Variants in KCNH7 observed in about 807,000 individuals in gnomAD.
The protein encoded by KCNH7 is voltage-gated inwardly rectifying potassium channel KCNH7.
A neutral mutation model predicts 120.8 loss-of-function variants in KCNH7; 49 were observed. That is an observed-to-expected ratio of 0.41 (90% confidence interval 0.32 to 0.51). The LOEUF is 0.51. KCNH7 is among the 20% of genes least tolerant of loss of function. KCNH7 has a pLI of 0.38. For synonymous variants in KCNH7, 547 were observed against 516.1 expected (o/e 1.06, Z -0.81); for missense variants, 1,097 against 1,446.6 (o/e 0.76, Z 3.92).
chr2:162,491,808 T>G (rs974497088), intron 6 of KCNH7, among the ~76,000 whole-genome samples: 1 of 152,178 alleles, frequency 6.6e-6, no homozygotes, highest in Non-Finnish European at 1.5e-5. Context: ...CCCCTCTTTC[T>G]AGATGGGTAG....
chr2:162,387,697 T>C (rs1477927481), intron 12 of KCNH7, among the ~76,000 whole-genome samples: 1 of 151,740 alleles, frequency 6.6e-6, no homozygotes, highest in Non-Finnish European at 1.5e-5. Flanking sequence ...TCCCGCTTTT[T>C]TACAGAACAC....
intron 2 of KCNH7, among the ~76,000 whole-genome samples, chr2:162,582,329 G>A (rs998108698): frequency 6.6e-6 from 1 of 151,990 alleles, no homozygotes; most frequent in African/African-American, 2.4e-5. Flanking sequence ...AAACCCAGGA[G>A]ACATTATCCC....
rs191965359 is a variant in KCNH7, at chr2:162,806,527, A to T, written c.307+30010T>A. ...GGGTAGAGAGCAGGCAGTTACCAAT[A>T]GCTGTCATTACAGTTAAAAAAACAG... On this transcript the variant is annotated intron_variant, in intron 2 of 15. Transcript: ENST00000332142. Among the ~76,000 whole-genome samples the T allele has an allele frequency of 5.6e-3, 852 of 152,296 alleles. 5 individuals are homozygous for T. Among genetic ancestry groups the T allele is most frequent in the Non-Finnish European group, 8.6e-3 (585 of 68,026 alleles).
At chr2:162,780,347 A>G (rs150418767) in intron 2 of KCNH7, among the ~76,000 whole-genome samples, 2 of 152,266 alleles carry the variant, frequency 1.3e-5, no homozygotes, top group East Asian at 3.9e-4. Flanking sequence ...ATTTTACTGC[A>G]TGATTGTGTC....
At chr2:162,473,838 C>T (rs1689647476) in intron 6 of KCNH7, among the ~76,000 whole-genome samples, 1 of 152,140 alleles carries the variant, frequency 6.6e-6, no homozygotes, top group African/African-American at 2.4e-5. Context: ...TAAGTATGTG[C>T]ATTTGTGTGT....
intron 2 of KCNH7, among the ~76,000 whole-genome samples, chr2:162,564,456 C>A (rs904376677): frequency 6.6e-6 from 1 of 152,150 alleles, no homozygotes; most frequent in African/African-American, 2.4e-5. Context: ...CAAGCCACAT[C>A]CCCCTGAGGA....
At chr2:162,830,534 A>C (rs1456998116) in intron 2 of KCNH7, among the ~76,000 whole-genome samples, 2 of 152,186 alleles carry the variant, frequency 1.3e-5, no homozygotes, top group Non-Finnish European at 2.9e-5. Context: ...GTAAACTCCA[A>C]CAAGTTCATC....
At chr2:162,608,191 A>G (rs543581856) in intron 2 of KCNH7, among the ~76,000 whole-genome samples, 5 of 152,340 alleles carry the variant, frequency 3.3e-5, no homozygotes, top group African/African-American at 1.2e-4. Context: ...ACAGGGCACA[A>G]CAACAAATAG....
intron 2 of KCNH7, among the ~76,000 whole-genome samples, chr2:162,752,117 T>C (rs536522850): frequency 6.6e-6 from 1 of 152,292 alleles, no homozygotes; most frequent in African/African-American, 2.4e-5. Flanking sequence ...AAGTAATTTT[T>C]CAGGTGAAAA....
At chr2:162,766,127 T>C (rs561224447) in intron 2 of KCNH7, among the ~76,000 whole-genome samples, 14 of 152,286 alleles carry the variant, frequency 9.2e-5, no homozygotes, top group African/African-American at 3.4e-4. Context: ...CTAAAAAGCA[T>C]TTAATGTTTT....
At chr2:162,428,501 G>A (rs1298515987) in intron 8 of KCNH7, among the ~76,000 whole-genome samples, 5 of 151,886 alleles carry the variant, frequency 3.3e-5, no homozygotes, top group Non-Finnish European at 7.4e-5. Context: ...AGAAAAGAGC[G>A]TGTATTCTGC....
intron 3 of KCNH7, among the ~76,000 whole-genome samples, chr2:162,533,923 C>T (rs1219019188): frequency 2.6e-5 from 4 of 150,970 alleles, no homozygotes; most frequent in African/African-American, 9.7e-5. Context: ...AATAATAAAC[C>T]ACGGGCAAAT....
At chr2:162,748,494 T>G (rs1263070585) in intron 2 of KCNH7, among the ~76,000 whole-genome samples, 1 of 152,130 alleles carries the variant, frequency 6.6e-6, no homozygotes, top group Non-Finnish European at 1.5e-5. Context: ...GAATATAAAA[T>G]ACCTATGCCA....
In KCNH7 at chr2:162,457,700, G is replaced by C. The variant is rs116982376; in HGVS notation, c.1129-11257C>G. Among the ~76,000 whole-genome samples the C allele has an allele frequency of 1.2e-4, 19 of 152,282 alleles. No homozygotes were observed. The East Asian group carries it at 3.5e-3, about 28-fold the overall frequency. On this transcript the variant is annotated intron_variant, in intron 6 of 15. Transcript: ENST00000332142. ...TGGCAGCTGTTAAACGCCATGATGA[G>C]GTGTTGGTTGAAGCTGCTCATCAGT...
chr2:162,493,814 A>T (rs1180853618), intron 6 of KCNH7, among the ~76,000 whole-genome samples: 1 of 152,186 alleles, frequency 6.6e-6, no homozygotes, highest in Non-Finnish European at 1.5e-5. Context: ...TGAGAATGTA[A>T]ATTTTTGCTT....
intron 6 of KCNH7, among the ~76,000 whole-genome samples, chr2:162,486,815 G>C (rs183696295): frequency 6.6e-6 from 1 of 152,048 alleles, no homozygotes; most frequent in East Asian, 1.9e-4. Context: ...TTAAAAATGG[G>C]TTCTGTCATG....
At chr2:162,678,129 C>T (rs187317474) in intron 2 of KCNH7, among the ~76,000 whole-genome samples, 1 of 151,314 alleles carries the variant, frequency 6.6e-6, no homozygotes, top group African/African-American at 2.4e-5. Context: ...GTGTATGTGT[C>T]TGTGTGCGTA....
At chr2:162,590,909 T>C (rs955050183) in intron 2 of KCNH7, among the ~76,000 whole-genome samples, 13 of 152,140 alleles carry the variant, frequency 8.5e-5, no homozygotes, top group African/African-American at 3.1e-4. Context: ...AAGAATAAAA[T>C]TCAAACTCTT....
intron 2 of KCNH7, among the ~76,000 whole-genome samples, chr2:162,693,709 T>A (rs1380128090): frequency 6.6e-6 from 1 of 152,178 alleles, no homozygotes; most frequent in African/African-American, 2.4e-5. Flanking sequence ...CTCGTGAACA[T>A]GTGGTCAAAC....
Sources: gnomAD v4.1 joint callset for allele counts (sites outside exome capture counted in the v4.1 genomes callset) on GRCh38, gnomAD v4.1.1 for gene constraint, MANE v1.5 for transcripts, NCBI Gene and HGNC (gene_info 2026-07-23, HGNC 2026-07-21) for gene names.